NTM: variants seen among roughly 807,000 people sequenced by gnomAD.
NTM encodes IgLON family member 2.
In NTM, 13 loss-of-function variants were observed where a neutral mutation model predicts 42.1. That is an observed-to-expected ratio of 0.31 (90% CI 0.20 to 0.49). The LOEUF (loss-of-function observed/expected upper bound fraction) is 0.49. Ranked by LOEUF, NTM falls within the 20% of genes least tolerant of loss-of-function variation. The probability of loss-of-function intolerance (pLI) is 0.99; values close to 1 mark genes in which losing one functional copy is unlikely to be tolerated. For missense variants in NTM, 373 were observed against 452.8 expected (o/e 0.82, Z 1.60); for synonymous variants, 187 against 179.2 (o/e 1.04, Z -0.35).
At chr11:131,981,261 TAA>T (rs1254569675) in intron 2 of NTM, 1 of 152,166 alleles carries the variant, frequency 6.6e-6, no homozygotes, top group East Asian at 1.9e-4. Context: ...GAGAAAGAAT[TAA>T]AGTGTCCTGA....
intron 3 of NTM, among the ~76,000 whole-genome samples, chr11:132,172,185 T>A (rs2137860851): frequency 6.6e-6 from 1 of 152,334 alleles, no homozygotes; most frequent in African/African-American, 2.4e-5. Flanking sequence ...AACATAGAGA[T>A]CATATGATAC....
At chr11:131,939,472 G>T (rs950850940) in intron 2 of NTM, among the ~76,000 whole-genome samples, 1 of 151,968 alleles carries the variant, frequency 6.6e-6, no homozygotes, top group African/African-American at 2.4e-5. Context: ...CAAAATAATT[G>T]GTGTGTGTGT....
chr11:131,458,836 C>T (rs1951130445), intron 1 of NTM, among the ~76,000 whole-genome samples: 1 of 152,234 alleles, frequency 6.6e-6, no homozygotes. Context: ...AAACAGTTTT[C>T]TGGGTTCCAC....
At chr11:132,315,104 G>A in intron 7 of NTM, 6 of 993,952 alleles carry the variant, frequency 6.0e-6, no homozygotes, top group Non-Finnish European at 7.2e-6. Context: ...AGTGATGATG[G>A]CTCCTAAGCT....
intron 3 of NTM, among the ~76,000 whole-genome samples, chr11:132,209,558 CTT>C (rs2138626112): frequency 6.6e-6 from 1 of 152,286 alleles, no homozygotes; most frequent in East Asian, 1.9e-4. Context: ...AAATGAGGAT[CTT>C]TTCAAATATC....
In NTM at chr11:131,510,938, C is replaced by T. The variant is rs143576269; in HGVS notation, c.82+140050C>T. Among the ~76,000 whole-genome samples the T allele has an allele frequency of 3.8e-3, 577 of 152,332 alleles. 2 individuals are homozygous for T. The highest frequency in any genetic ancestry group is 0.012 in the African/African-American group (515 of 41,584). ...TTGATTCTCTGGAAGGAGCCAGCAG[C>T]CATCTGTGTGGAAGGACAGGGCCAT... is the stretch of plus-strand genomic sequence containing the variant. On this transcript the variant is annotated intron_variant, in intron 1 of 8. Transcript: ENST00000683400.
At chr11:132,109,646 A>T (rs1007130969) in intron 2 of NTM, among the ~76,000 whole-genome samples, 1 of 150,764 alleles carries the variant, frequency 6.6e-6, no homozygotes, top group African/African-American at 2.4e-5. Flanking sequence ...CCTCACCTCC[A>T]TGTCCACTGT....
chr11:132,151,896 G>C (rs529450093), intron 3 of NTM, among the ~76,000 whole-genome samples: 1 of 152,280 alleles, frequency 6.6e-6, no homozygotes, highest in South Asian at 2.1e-4. Context: ...GCAAATAATG[G>C]AAGTATGGCC....
intron 4 of NTM, among the ~76,000 whole-genome samples, chr11:132,220,757 T>G (rs1375053237): frequency 1.3e-5 from 2 of 152,188 alleles, no homozygotes; most frequent in East Asian, 3.8e-4. Context: ...ACCGTTACCA[T>G]GCAGAACTGT....
intron 1 of NTM, among the ~76,000 whole-genome samples, chr11:131,593,956 T>C (rs947548007): frequency 2.0e-5 from 3 of 152,160 alleles, no homozygotes; most frequent in African/African-American, 4.8e-5. Context: ...TTACATGGAT[T>C]TGTTAGGATG....
chr11:131,545,792 G>C (rs2053856708), intron 1 of NTM, among the ~76,000 whole-genome samples: 3 of 152,210 alleles, frequency 2.0e-5, no homozygotes, highest in Admixed American at 2.0e-4. Context: ...GTGTCGTCAA[G>C]TAGAGGAGGG....
intron 1 of NTM, among the ~76,000 whole-genome samples, chr11:131,398,332 A>G (rs537114979): frequency 1.3e-5 from 2 of 152,296 alleles, no homozygotes; most frequent in South Asian, 2.1e-4. Context: ...TATTAAATAT[A>G]ATTTGGAAAC....
intron 1 of NTM, among the ~76,000 whole-genome samples, chr11:131,427,309 T>C (rs1948232446): frequency 6.6e-6 from 1 of 152,116 alleles, no homozygotes; most frequent in Admixed American, 6.5e-5. Flanking sequence ...ACTGTGAAAA[T>C]GTCTAGTCAG....
intron 2 of NTM, among the ~76,000 whole-genome samples, chr11:131,956,636 C>T (rs553812446): frequency 5.9e-5 from 9 of 151,818 alleles, no homozygotes; most frequent in African/African-American, 2.2e-4. Context: ...CACAGTGGAG[C>T]GGAACTGTCT....
intron 1 of NTM, among the ~76,000 whole-genome samples, chr11:131,567,738 C>T (rs945539076): frequency 5.3e-5 from 8 of 152,210 alleles, no homozygotes; most frequent in African/African-American, 1.7e-4. Flanking sequence ...TAAAGTCCTG[C>T]GTCTTTCTTC....
chr11:131,609,145 C>T (rs533929737), intron 1 of NTM, among the ~76,000 whole-genome samples: 10 of 152,272 alleles, frequency 6.6e-5, no homozygotes, highest in Non-Finnish European at 1.2e-4. Context: ...TGGGCGAAGG[C>T]GTGGGCCCTG....
At chr11:131,832,278 A>C (rs1241964663) in intron 1 of NTM, among the ~76,000 whole-genome samples, 1 of 151,972 alleles carries the variant, frequency 6.6e-6, no homozygotes, top group East Asian at 1.9e-4. Flanking sequence ...TTGCTAACTC[A>C]ATGTCAGAGT....
intron 1 of NTM, among the ~76,000 whole-genome samples, chr11:131,507,838 T>C (rs1285546793): frequency 6.6e-6 from 1 of 151,416 alleles, no homozygotes; most frequent in Non-Finnish European, 1.5e-5. Flanking sequence ...GGGAGTTCAC[T>C]CATGATTTGG....
chr11:132,084,054 T>G (rs754845051), intron 2 of NTM, among the ~76,000 whole-genome samples: 16 of 152,166 alleles, frequency 1.1e-4, no homozygotes, highest in Non-Finnish European at 2.1e-4. Flanking sequence ...TTGTTCTGCT[T>G]GATATTCGTG....
Sources: gnomAD v4.1 joint callset for allele counts (sites outside exome capture counted in the v4.1 genomes callset) on GRCh38, gnomAD v4.1.1 for gene constraint, MANE v1.5 for transcripts, NCBI Gene and HGNC (gene_info 2026-07-23, HGNC 2026-07-21) for gene names.